The following HIVEP1 variants were observed in gnomAD, a reference collection of about 807,000 sequenced individuals.
HIVEP1 encodes HIVEP zinc finger 1, also known as zinc finger protein 40.
In HIVEP1, 36 loss-of-function variants were observed where a neutral mutation model predicts 180.0. The ratio of observed to expected loss-of-function variants is 0.20; its 90% confidence interval spans 0.15 to 0.26. The LOEUF is 0.26. Ranked by LOEUF, HIVEP1 falls within the 10% of genes least tolerant of loss-of-function variation. The pLI is 1.00. For synonymous variants in HIVEP1, 1,239 were observed against 1,239.0 expected, an observed-to-expected ratio of 1.00 and a Z score of 0.00; for missense variants, 3,143 against 3,268.7, an observed-to-expected ratio of 0.96 and a Z score of 0.94.
At chr6:12,142,281 G>A (rs931571930) in intron 7 of HIVEP1, among the ~76,000 whole-genome samples, 1 of 152,000 alleles carries the variant, frequency 6.6e-6, no homozygotes, top group Admixed American at 6.6e-5. Flanking sequence ...CTCCTGAATG[G>A]CTGATGGGTA....
intron 3 of HIVEP1, among the ~76,000 whole-genome samples, chr6:12,092,108 C>G (rs1561931047): frequency 6.6e-6 from 1 of 152,206 alleles, no homozygotes; most frequent in Admixed American, 6.5e-5. Context: ...TTCTCACACC[C>G]AATTTAAGAA....
intron 7 of HIVEP1, among the ~76,000 whole-genome samples, chr6:12,138,828 C>G (rs959035497): frequency 1.3e-3 from 190 of 151,968 alleles, no homozygotes; most frequent in African/African-American, 4.4e-3. Flanking sequence ...GCACACTTCC[C>G]CCATAGTCTT....
chr6:12,187,569 A>G, the HIVEP1 span, among the ~76,000 whole-genome samples: 18 of 150,690 alleles, frequency 1.2e-4, no homozygotes, highest in Admixed American at 1.1e-3. Context: ...TTTTCCAGCT[A>G]TCAGAATCAT....
chr6:12,146,967 C>T (rs1213818384), intron 7 of HIVEP1, among the ~76,000 whole-genome samples: 4 of 152,040 alleles, frequency 2.6e-5, no homozygotes, highest in Non-Finnish European at 5.9e-5. Context: ...ATTTATTTAT[C>T]CCTACACTGC....
chr6:12,110,455 A>G (rs1484754535), intron 3 of HIVEP1, among the ~76,000 whole-genome samples: 2 of 152,242 alleles, frequency 1.3e-5, no homozygotes, highest in Non-Finnish European at 2.9e-5. Context: ...AACTTGCTGC[A>G]GCTTCTACAT....
intron 2 of HIVEP1, among the ~76,000 whole-genome samples, chr6:12,026,378 G>C (rs372637790): frequency 5.3e-5 from 8 of 152,130 alleles, no homozygotes; most frequent in Admixed American, 4.6e-4. Flanking sequence ...GTTTTGAGAC[G>C]GGTTTTTAAA....
chr6:12,077,826 GTTA>G (rs1772472237), intron 2 of HIVEP1, among the ~76,000 whole-genome samples: 1 of 152,202 alleles, frequency 6.6e-6, no homozygotes, highest in South Asian at 2.1e-4. Context: ...GGGTTGGACA[GTTA>G]TTTTCACTGT....
At position 12,122,580 on chromosome 6, in the gene HIVEP1, G is replaced by T; in HGVS notation, c.2785G>T (p.Ala929Ser). Residue 929 changes from alanine to serine, a missense_variant, in exon 4 of 9, where the codon GCT becomes TCT. Physicochemically the swap from Ala to Ser is moderately conservative, Grantham distance 99. Around this residue, in one of 12 missense-constraint regions of HIVEP1, gnomAD observed 204 missense variants for 243.7 expected, o/e 0.84. Transcript: ENST00000379388. ...LDESHQGCHAAGEAMSVRSKA... is the reference protein window; with the variant it reads ...LDESHQGCHASGEAMSVRSKA... ...TGAGAGCCACCAAGGATGCCATGCT[G>T]CTGGTGAAGCCATGTCAGTGAGGAG... is the stretch of plus-strand genomic sequence containing the variant. 1.2e-6 allele frequency: 2 copies of T among 1,614,222 alleles called. No homozygotes were observed. Among genetic ancestry groups the T allele is most frequent in the Non-Finnish European group, 1.7e-6 (2 of 1,180,036 alleles).
At chr6:12,137,624 A>G (rs1002006686) in intron 7 of HIVEP1, among the ~76,000 whole-genome samples, 1 of 112,986 alleles carries the variant, frequency 8.9e-6, no homozygotes, top group East Asian at 2.6e-4. Context: ...TTTTTTTTTT[A>G]CAGTGTTTGT....
At chr6:12,186,496 T>C in the HIVEP1 span, among the ~76,000 whole-genome samples, 1 of 150,602 alleles carries the variant, frequency 6.6e-6, no homozygotes, top group Admixed American at 6.6e-5. Context: ...TTACACAGGA[T>C]TGTGGTGATG....
chr6:12,123,304 A>G lies in HIVEP1; in HGVS notation c.3509A>G (p.Lys1170Arg). 2 of 1,614,166 alleles carry G rather than the reference A, an allele frequency of 1.2e-6. No individual in the cohort carries two copies. The highest frequency in any genetic ancestry group is 1.7e-6 in the Non-Finnish European group (2 of 1,180,012). ...TTCCAGGAGCTGAATAGAACGGGGA[A>G]GTCCGGGTCTCTAAAAGTGATAGGA... The part of the protein sequence containing the change: ...VSFQELNRTG[K>R]SGSLKVIGIS... Residue 1170 changes from lysine (K) to arginine (R), a missense_variant, in exon 4 of 9, where the codon AAG becomes AGG. Around this residue, in one of 12 missense-constraint regions of HIVEP1, gnomAD observed 1,357 missense variants for 1,260.5 expected, o/e 1.08. Transcript: ENST00000379388.
the HIVEP1 span, among the ~76,000 whole-genome samples, chr6:12,204,544 C>T: frequency 6.6e-6 from 1 of 152,172 alleles, no homozygotes; most frequent in Non-Finnish European, 1.5e-5. Context: ...TGGTTTTTAA[C>T]CTCATTCTGT....
the HIVEP1 span, among the ~76,000 whole-genome samples, chr6:12,183,908 ATAAT>A: frequency 6.6e-6 from 1 of 152,198 alleles, no homozygotes; most frequent in African/African-American, 2.4e-5. Context: ...AGAATTTCAG[ATAAT>A]TAAACTCAAC....
intron 1 of HIVEP1, among the ~76,000 whole-genome samples, chr6:12,013,875 CTGAGCTGACATACAG>C (rs547539574): frequency 5.3e-5 from 8 of 152,230 alleles, no homozygotes; most frequent in Admixed American, 1.3e-4. Context: ...TAATTTTGTG[CTGAGCTGACATACAG>C]CCAGATCAGG....
intron 2 of HIVEP1, among the ~76,000 whole-genome samples, chr6:12,019,227 C>A (rs1768031184): frequency 6.6e-6 from 1 of 152,076 alleles, no homozygotes; most frequent in African/African-American, 2.4e-5. Context: ...AGCTCTAGGT[C>A]CCCATGGGAA....
At chr6:12,101,389 C>A (rs1345762679) in intron 3 of HIVEP1, among the ~76,000 whole-genome samples, 1 of 147,130 alleles carries the variant, frequency 6.8e-6, no homozygotes, top group Non-Finnish European at 1.5e-5. Flanking sequence ...TTTATAAATA[C>A]AATATGTATA....
chr6:12,111,084 G>C (rs1166841461), intron 3 of HIVEP1, among the ~76,000 whole-genome samples: 3 of 152,152 alleles, frequency 2.0e-5, no homozygotes, highest in Non-Finnish European at 4.4e-5. Context: ...TGTTACATGG[G>C]CACAATTAAT....
the HIVEP1 span, among the ~76,000 whole-genome samples, chr6:12,194,154 A>G: frequency 1.3e-5 from 2 of 152,210 alleles, no homozygotes; most frequent in Non-Finnish European, 2.9e-5. Flanking sequence ...GTTGAAATGT[A>G]AATATTTTAA....
chr6:12,164,074 C>T lies in HIVEP1; in HGVS notation c.7770C>T (p.Ser2590=), dbSNP rs780976743. ...ETQPKQTSVA[S]ANQVSRTESP... is the part of the protein sequence containing the mutation. ...AACCCAAGCAGACTTCTGTAGCCAG[C>T]GCAAACCAGGTCAGCAGGACCGAGT... Residue 2590 remains serine, a synonymous_variant, in exon 9 of 9, where the codon AGC becomes AGT. Coordinates refer to ENST00000379388, the MANE Select transcript of HIVEP1 (RefSeq NM_002114.4). 20 of 1,614,064 alleles carry T rather than the reference C, an allele frequency of 1.2e-5. No individual in the cohort carries two copies. Among genetic ancestry groups the T allele is most frequent in the Middle Eastern group, 1.6e-4 (1 of 6,084 alleles).
Sources: allele counts gnomAD v4.1 joint callset (sites outside exome capture counted in the v4.1 genomes callset), GRCh38; gene constraint gnomAD v4.1.1; regional missense constraint gnomAD v4.1.1; transcripts MANE v1.5; gene names NCBI Gene and HGNC (gene_info 2026-07-23, HGNC 2026-07-21).